Variants in RANBP17 observed in about 807,000 individuals in gnomAD.
The protein encoded by RANBP17 is RAN binding protein 17, also known as ran-binding protein 17.
A neutral mutation model predicts 141.2 loss-of-function variants in RANBP17; 158 were observed. That is an observed-to-expected ratio of 1.12 (90% confidence interval 0.98 to 1.28). The LOEUF is 1.28. Among genes scored for constraint, RANBP17 ranks in the 50% most tolerant of loss-of-function variants. The pLI is 0.00. For missense variants in RANBP17, 1,438 were observed against 1,290.7 expected (o/e 1.11, Z -1.75); for synonymous variants, 430 against 450.0 (o/e 0.96, Z 0.56).
chr5:171,040,075 A>C (rs78892968), intron 14 of RANBP17, among the ~76,000 whole-genome samples: 1 of 152,090 alleles, frequency 6.6e-6, no homozygotes, highest in African/African-American at 2.4e-5. Flanking sequence ...GACAAAAAAA[A>C]CTACAGGCCA....
At chr5:171,146,687 G>C (rs1327352426) in intron 14 of RANBP17, among the ~76,000 whole-genome samples, 1 of 152,194 alleles carries the variant, frequency 6.6e-6, no homozygotes, top group African/African-American at 2.4e-5. Flanking sequence ...GCAGTACAGA[G>C]CAGGGAACTT....
intron 14 of RANBP17, chr5:170,968,835 A>G (rs1282236759): frequency 2.6e-6 from 1 of 390,838 alleles, no homozygotes; most frequent in Non-Finnish European, 4.9e-6. Flanking sequence ...ATATAACCTT[A>G]ATGTTAGGAA....
At chr5:171,089,787 A>T (rs1283064674) in intron 14 of RANBP17, among the ~76,000 whole-genome samples, 2 of 152,192 alleles carry the variant, frequency 1.3e-5, no homozygotes, top group South Asian at 2.1e-4. Flanking sequence ...TGCACTTCCC[A>T]GGTGAGGCAA....
At chr5:171,227,802 A>T (rs1465462302) in intron 22 of RANBP17, among the ~76,000 whole-genome samples, 2 of 152,092 alleles carry the variant, frequency 1.3e-5, no homozygotes, top group South Asian at 2.1e-4. Context: ...TGAAAATCCT[A>T]GGGCCCTTAA....
At chr5:171,232,235 A>T (rs1764246394) in intron 22 of RANBP17, among the ~76,000 whole-genome samples, 1 of 152,202 alleles carries the variant, frequency 6.6e-6, no homozygotes, top group South Asian at 2.1e-4. Flanking sequence ...CTTTTATTCA[A>T]AAAAGGTAGT....
chr5:171,277,637 G>GTGTGTATATATATATATA lies in RANBP17; in HGVS notation c.2943+11791_2943+11792insGTGTATATATATATATAT, dbSNP rs1437482589. The stretch of plus-strand genomic sequence containing the variant: ...GTGCCTTACGTATACATATATGTAT[G>GTGTGTATATATATATATA]TATATATATATATATATATATATAT... On this transcript the variant is annotated intron_variant, in intron 25 of 27. Transcript: ENST00000523189. 3.7e-3 allele frequency among the ~76,000 whole-genome samples: 211 copies of GTGTGTATATATATATATA among 56,904 alleles called. 12 individuals carry two copies. Among genetic ancestry groups the GTGTGTATATATATATATA allele is most frequent in the Admixed American group, 0.02 (74 of 3,728 alleles). 37.3% of individuals were successfully genotyped at this position (56,904 alleles called of 152,430 possible).
intron 14 of RANBP17, among the ~76,000 whole-genome samples, chr5:170,998,573 C>T (rs890913591): frequency 6.6e-6 from 1 of 152,240 alleles, no homozygotes; most frequent in Non-Finnish European, 1.5e-5. Flanking sequence ...TTAAGCCCTT[C>T]TCATTAAACA....
chr5:171,043,364 T>C (rs774699738), intron 14 of RANBP17, among the ~76,000 whole-genome samples: 41 of 152,104 alleles, frequency 2.7e-4, no homozygotes, highest in Non-Finnish European at 4.9e-4. Flanking sequence ...GGATGTGGGG[T>C]TGCAAGAAGC....
At chr5:171,225,037 G>C (rs1334035276) in intron 22 of RANBP17, among the ~76,000 whole-genome samples, 1 of 152,156 alleles carries the variant, frequency 6.6e-6, no homozygotes, top group Non-Finnish European at 1.5e-5. Context: ...CCTTAGACTA[G>C]TTAACGACTG....
chr5:170,993,795 G>A (rs1260135150), intron 14 of RANBP17, among the ~76,000 whole-genome samples: 1 of 151,928 alleles, frequency 6.6e-6, no homozygotes, highest in Non-Finnish European at 1.5e-5. Context: ...CCCTGAAGAG[G>A]CTACAGATGT....
intron 12 of RANBP17, among the ~76,000 whole-genome samples, chr5:170,930,431 T>C (rs1402000681): frequency 2.6e-5 from 4 of 151,866 alleles, no homozygotes; most frequent in South Asian, 4.2e-4. Flanking sequence ...TTTATTTTAC[T>C]TTAAGTTCTA....
At position 171,213,746 on chromosome 5, in the gene RANBP17, G is replaced by A. The variant is rs764138814; in HGVS notation, c.2339+8G>A. ...AGAACTTATGCAAAACAGGTAAGCAGTGTGACAGGCAGTGAGAAAAACAGT... is the reference window on the plus strand; with the variant it reads ...AGAACTTATGCAAAACAGGTAAGCAATGTGACAGGCAGTGAGAAAAACAGT... On this transcript the variant is annotated splice_region_variant and intron_variant, in intron 21 of 27. Coordinates refer to ENST00000523189, the MANE Select transcript of RANBP17 (RefSeq NM_022897.5). The A allele has an allele frequency of 1.9e-6, 3 of 1,580,316 alleles. No homozygotes were observed. Among genetic ancestry groups the A allele is most frequent in the East Asian group, 2.2e-5 (1 of 44,710 alleles).
At chr5:171,181,891 C>T (rs1160822522) in intron 16 of RANBP17, among the ~76,000 whole-genome samples, 3 of 152,176 alleles carry the variant, frequency 2.0e-5, no homozygotes, top group Admixed American at 6.5e-5. Flanking sequence ...TCAAAACAAT[C>T]CTGTAAGGTA....
chr5:171,063,774 T>C (rs541323804), intron 14 of RANBP17, among the ~76,000 whole-genome samples: 6 of 152,322 alleles, frequency 3.9e-5, no homozygotes, highest in Non-Finnish European at 5.9e-5. Context: ...AGGTGGAGCC[T>C]ACAGAGGCAG....
Position 171,192,813 on chromosome 5 carries a change from A to G in RANBP17, c.2039-6857A>G, listed in dbSNP as rs577810672. Among the ~76,000 whole-genome samples the G allele has an allele frequency of 6.6e-5, 10 of 152,290 alleles. No homozygotes were observed. The South Asian group carries it at 2.1e-3, about 32-fold the overall frequency. On this transcript the variant is annotated intron_variant, in intron 18 of 27. Coordinates refer to ENST00000523189, the MANE Select transcript of RANBP17 (RefSeq NM_022897.5). Reference sequence around the variant, plus strand: ...TATTTTCCTGTGGAAGTAAGATCTGATGACACTTCCCAACACATACTAAAA... The same window carrying G: ...TATTTTCCTGTGGAAGTAAGATCTGGTGACACTTCCCAACACATACTAAAA...
chr5:170,934,469 TC>T (rs533215457), intron 12 of RANBP17, among the ~76,000 whole-genome samples: 68 of 152,206 alleles, frequency 4.5e-4, no homozygotes, highest in Non-Finnish European at 9.4e-4. Context: ...TACCAGTTGT[TC>T]CTTTCCACGT....
In RANBP17 at chr5:171,020,050, G is replaced by A. The variant is rs1233181875; in HGVS notation, c.1710+51673G>A. On this transcript the variant is annotated intron_variant, in intron 14 of 27. Coordinates refer to ENST00000523189, the MANE Select transcript of RANBP17 (RefSeq NM_022897.5). ...TTTACTGAGGAGTTATTCAGGAGCA[G>A]GTTGTTCAGTTTCCATGTAATTGTG... is the stretch of plus-strand genomic sequence containing the variant. 2.6e-5 allele frequency among the ~76,000 whole-genome samples: 4 copies of A among 152,142 alleles called. No homozygotes were observed. The East Asian group carries it at 7.7e-4, about 29-fold the overall frequency.
In RANBP17 at chr5:170,940,688, C is replaced by G. The variant is rs149645961; in HGVS notation, c.1469-12909C>G. 7.5e-3 allele frequency among the ~76,000 whole-genome samples: 1,140 copies of G among 152,190 alleles called. 13 individuals are homozygous for G. Among genetic ancestry groups the G allele is most frequent in the African/African-American group, 0.026 (1,079 of 41,522 alleles). ...GTACACTTCTTAATTGTTGGCATAT[C>G]AAATAAGTAGCAAGTTAGTAAATTT... On this transcript the variant is annotated intron_variant, in intron 12 of 27. Coordinates refer to ENST00000523189, the MANE Select transcript of RANBP17 (RefSeq NM_022897.5).
chr5:171,117,827 G>A (rs1755744320), intron 14 of RANBP17, among the ~76,000 whole-genome samples: 1 of 103,808 alleles, frequency 9.6e-6, no homozygotes. Flanking sequence ...TATATGTGGG[G>A]TTTTGTTGTT....
Sources: allele counts gnomAD v4.1 joint callset (sites outside exome capture counted in the v4.1 genomes callset), GRCh38; gene constraint gnomAD v4.1.1; transcripts MANE v1.5; gene names NCBI Gene and HGNC (gene_info 2026-07-23, HGNC 2026-07-21).